CLDN16: variants seen among roughly 807,000 people sequenced by gnomAD.
CLDN16 encodes the protein claudin 16, also known as claudin-16.
In CLDN16, 13 loss-of-function variants were observed where a neutral mutation model predicts 24.6. That is an observed-to-expected ratio of 0.53 (90% CI 0.34 to 0.84). The LOEUF (loss-of-function observed/expected upper bound fraction) is 0.84, where lower values mean the gene tolerates loss of function less well. Among genes scored for constraint, CLDN16 ranks in the 40% least tolerant of loss-of-function variants. The pLI is 0.01. For synonymous variants in CLDN16, 116 were observed against 106.7 expected (o/e 1.09, Z -0.54); for missense variants, 298 against 292.7 (o/e 1.02, Z -0.13).
chr3:190,324,039 C>T (rs1179814590), intron 1 of CLDN16, among the ~76,000 whole-genome samples: 2 of 152,308 alleles, frequency 1.3e-5, no homozygotes, highest in South Asian at 2.1e-4. Context: ...ATGTATCAAT[C>T]ACATTTGATT....
intron 1 of CLDN16, among the ~76,000 whole-genome samples, chr3:190,400,115 CA>C: frequency 6.6e-6 from 1 of 152,136 alleles, no homozygotes; most frequent in Non-Finnish European, 1.5e-5. Flanking sequence ...TGGTATAGAA[CA>C]CTGGAACTTA....
chr3:190,291,127 C>T, the CLDN16 span, among the ~76,000 whole-genome samples: 1 of 152,054 alleles, frequency 6.6e-6, no homozygotes, highest in Non-Finnish European at 1.5e-5. Flanking sequence ...GCAGAGGGTA[C>T]AGCAAATGTA....
At chr3:190,321,135 C>T (rs1389711460), upstream of CLDN16, among the ~76,000 whole-genome samples, 1 of 152,206 alleles carries the variant, frequency 6.6e-6, no homozygotes, top group Non-Finnish European at 1.5e-5. Context: ...TTCTCTCTCA[C>T]TGCCTTCCAC....
chr3:190,313,020 G>C, the CLDN16 span: 1 of 1,613,982 alleles, frequency 6.2e-7, no homozygotes, highest in Non-Finnish European at 8.5e-7. Flanking sequence ...TCAAGGCACG[G>C]GTTGCTTGCA....
At chr3:190,340,124 T>A (rs1282902258) in intron 1 of CLDN16, among the ~76,000 whole-genome samples, 5 of 152,212 alleles carry the variant, frequency 3.3e-5, no homozygotes, top group African/African-American at 1.2e-4. Context: ...CCTTTCTTGA[T>A]AAAAACTTCT....
At chr3:190,397,286 T>C (rs1329112464) in intron 1 of CLDN16, among the ~76,000 whole-genome samples, 1 of 152,142 alleles carries the variant, frequency 6.6e-6, no homozygotes, top group African/African-American at 2.4e-5. Flanking sequence ...CAATACAAAT[T>C]AGCATTGTTT....
intron 3 of CLDN16, among the ~76,000 whole-genome samples, chr3:190,405,458 A>G (rs558944079): frequency 2.8e-4 from 39 of 137,738 alleles, no homozygotes; most frequent in Admixed American, 2.5e-3. Context: ...GGAAATAAAG[A>G]AAAAAAAAAG....
chr3:190,296,180 AATATAC>A, the CLDN16 span, among the ~76,000 whole-genome samples: 4 of 152,384 alleles, frequency 2.6e-5, no homozygotes, highest in Non-Finnish European at 5.9e-5. Flanking sequence ...TGACGAGCAT[AATATAC>A]ATAAACATAT....
chr3:190,382,951 C>G (rs1718403138), intron 3 of CLDN16, among the ~76,000 whole-genome samples: 1 of 152,018 alleles, frequency 6.6e-6, no homozygotes, highest in South Asian at 2.1e-4. Context: ...GTGTGGGCTG[C>G]CCGTAATGAA....
chr3:190,297,967 G>A, the CLDN16 span, among the ~76,000 whole-genome samples: 2 of 151,882 alleles, frequency 1.3e-5, no homozygotes, highest in East Asian at 3.9e-4. Context: ...GGACAGCAAC[G>A]TGGCCATCCA....
At position 190,404,850 on chromosome 3, in the gene CLDN16, C is replaced by T. The variant is rs547537371; in HGVS notation, c.306C>T (p.Cys102=). 1.1e-5 allele frequency: 17 copies of T among 1,614,050 alleles called. No individual in the cohort carries two copies. The highest frequency in any genetic ancestry group is 1.3e-5 in the Non-Finnish European group (15 of 1,179,976). The change falls in exon 3 of 5, where the codon TGC becomes TGT. Residue 102 remains cysteine (C), a synonymous_variant. Transcript: ENST00000264734. ...GFLTLLLGLD[C]VKFLPDEPYI... is the part of the protein sequence containing the mutation. ...TCACCCTGCTCCTTGGTCTTGACTGCGTGAAATTCCTCCCTGATGAGCCGT... is the reference window on the plus strand; with the variant it reads ...TCACCCTGCTCCTTGGTCTTGACTGTGTGAAATTCCTCCCTGATGAGCCGT...
Position 190,404,790 on chromosome 3 carries a change from G to A in CLDN16, c.246G>A (p.Met82Ile). 1.9e-6 allele frequency: 3 copies of A among 1,614,140 alleles called. No individual in the cohort carries two copies. Among genetic ancestry groups the A allele is most frequent in the Non-Finnish European group, 1.7e-6 (2 of 1,180,024 alleles). The change falls in exon 3 of 5, where the codon ATG (methionine) becomes ATA (isoleucine). Residue 82 changes from methionine (M) to isoleucine (I), a missense_variant. Coordinates refer to ENST00000264734, the MANE Select transcript of CLDN16 (RefSeq NM_006580.4). ...AGCTGGTGGTAACTCGAGCGTTGAT[G>A]ATTACTGCAGATATTCTAGCTGGGT... is the stretch of plus-strand genomic sequence containing the variant. Reference protein sequence around the residue: ...PLKLVVTRALMITADILAGFG... With the variant: ...PLKLVVTRALIITADILAGFG...
intron 3 of CLDN16, among the ~76,000 whole-genome samples, chr3:190,405,501 T>TA (rs1484692845): frequency 9.3e-5 from 14 of 151,234 alleles, no homozygotes; most frequent in African/African-American, 3.4e-4. Context: ...TTTAAAAAGT[T>TA]ACATAACTTC....
At chr3:190,327,008 C>T (rs4011787) in intron 1 of CLDN16, among the ~76,000 whole-genome samples, 84,825 of 151,232 alleles carry the variant, frequency 0.56, 24,739 homozygotes, top group African/African-American at 0.73. Flanking sequence ...TGGGAGTTCT[C>T]CAAAGAATAG....
the CLDN16 span, among the ~76,000 whole-genome samples, chr3:190,294,254 TC>T: frequency 6.6e-6 from 1 of 152,178 alleles, no homozygotes; most frequent in African/African-American, 2.4e-5. Flanking sequence ...CATGACTTTA[TC>T]AAAGTAGACA....
chr3:190,315,515 G>A, the CLDN16 span, among the ~76,000 whole-genome samples: 4 of 152,024 alleles, frequency 2.6e-5, no homozygotes, highest in Non-Finnish European at 4.4e-5. Flanking sequence ...TTGAGAAAGG[G>A]GCGACATGAT....
At chr3:190,380,401 G>A (rs1478315830) in intron 3 of CLDN16, among the ~76,000 whole-genome samples, 1 of 152,014 alleles carries the variant, frequency 6.6e-6, no homozygotes, top group Non-Finnish European at 1.5e-5. Context: ...AGTAACTGAA[G>A]ATATCAATTT....
chr3:190,387,793 A>C, upstream of CLDN16: 1 of 352,458 alleles, frequency 2.8e-6, no homozygotes, highest in Admixed American at 4.1e-5. Flanking sequence ...TAGTTTCACC[A>C]GTGGCCTGTC....
upstream of CLDN16, chr3:190,322,283 C>G: frequency 7.6e-7 from 1 of 1,311,956 alleles, no homozygotes; most frequent in Non-Finnish European, 1.1e-6. Context: ...GCAACCCGGA[C>G]TCCCGAAGGT....
Sources: allele counts gnomAD v4.1 joint callset (sites outside exome capture counted in the v4.1 genomes callset), GRCh38; gene constraint gnomAD v4.1.1; transcripts MANE v1.5; gene names NCBI Gene and HGNC (gene_info 2026-07-23, HGNC 2026-07-21).